Variants in CACNG3 observed in about 807,000 individuals in gnomAD.
The protein encoded by CACNG3 is voltage-dependent calcium channel gamma-3 subunit.
In CACNG3, 3 loss-of-function variants were observed where a neutral mutation model predicts 28.5. The observed-to-expected ratio is 0.11, with a 90% CI of 0.05 to 0.27. CACNG3 has a LOEUF of 0.27. Among genes scored for constraint, CACNG3 ranks in the 10% least tolerant of loss-of-function variants. The pLI, the probability that CACNG3 is intolerant of heterozygous loss-of-function variation, is 1.00. For synonymous variants in CACNG3, 174 were observed against 162.2 expected (o/e 1.07, Z -0.55); for missense variants, 236 against 414.4 (o/e 0.57, Z 3.74).
At chr16:24,292,217 A>G (rs991236952) in intron 1 of CACNG3, among the ~76,000 whole-genome samples, 1 of 152,082 alleles carries the variant, frequency 6.6e-6, no homozygotes, top group South Asian at 2.1e-4. Context: ...AAACAGCTCG[A>G]TTTTTCAATC....
intron 1 of CACNG3, among the ~76,000 whole-genome samples, chr16:24,281,796 A>G (rs775132484): frequency 2.6e-5 from 4 of 152,216 alleles, no homozygotes; most frequent in African/African-American, 9.6e-5. Context: ...TGTGCTTCTC[A>G]TGACAACACT....
intron 1 of CACNG3, among the ~76,000 whole-genome samples, chr16:24,301,308 T>C (rs1205889814): frequency 6.6e-6 from 1 of 152,102 alleles, no homozygotes; most frequent in Non-Finnish European, 1.5e-5. Context: ...TGGGTAACAT[T>C]GGGTCATTTT....
chr16:24,275,251 G>A (rs185637032), intron 1 of CACNG3, among the ~76,000 whole-genome samples: 1 of 152,200 alleles, frequency 6.6e-6, no homozygotes, highest in East Asian at 1.9e-4. Flanking sequence ...CACTTATGAG[G>A]CAAAAACAAT....
Position 24,361,236 on chromosome 16 carries a change from A to G in CACNG3, c.437-116A>G. On this transcript the variant is annotated intron_variant, in intron 3 of 3. Transcript: ENST00000005284. The surrounding 1 kb of genome is among the most constrained non-coding windows in gnomAD (Gnocchi z 6.8). Reference sequence around the variant, plus strand: ...TAGGTGGTTGGATTTCCCAGCTATAATCCATTCTCCTCTCTCCCCATTACC... The same window carrying G: ...TAGGTGGTTGGATTTCCCAGCTATAGTCCATTCTCCTCTCTCCCCATTACC... The G allele has an allele frequency of 1.2e-6, 1 of 829,842 alleles. No individual in the cohort carries two copies. Among genetic ancestry groups the G allele is most frequent in the Non-Finnish European group, 1.9e-6 (1 of 518,896 alleles). 51.4% of individuals were successfully genotyped at this position (829,842 alleles called of 1,614,324 possible). A position where few individuals can be genotyped will look rare whatever the true frequency, so the allele number is the denominator to read the frequency against.
intron 1 of CACNG3, among the ~76,000 whole-genome samples, chr16:24,324,360 T>G (rs1899507576): frequency 6.6e-6 from 1 of 152,174 alleles, no homozygotes; most frequent in Non-Finnish European, 1.5e-5. Flanking sequence ...ATCTGCCTCT[T>G]GCCTAGTTTT....
chr16:24,288,452 G>A (rs1467259693), intron 1 of CACNG3, among the ~76,000 whole-genome samples: 4 of 152,154 alleles, frequency 2.6e-5, no homozygotes, highest in Non-Finnish European at 4.4e-5. Flanking sequence ...AGTATCGCTC[G>A]TGCTTTGGAA....
chr16:24,354,246 G>A (rs999776026), intron 2 of CACNG3, among the ~76,000 whole-genome samples: 4 of 152,098 alleles, frequency 2.6e-5, no homozygotes, highest in African/African-American at 9.7e-5. Flanking sequence ...TTTTTTCTGT[G>A]ATCGCTCTCG....
Position 24,361,265 on chromosome 16 carries a change from A to C in CACNG3, c.437-87A>C, listed in dbSNP as rs528193644. 4.6e-5 allele frequency: 51 copies of C among 1,114,964 alleles called. No homozygotes were observed. The African/African-American group carries it at 7.7e-4, about 17-fold the overall frequency. The allele number at this position is 1,114,964 out of a possible 1,614,324, so 69.1% of individuals were successfully genotyped here. A position where few individuals can be genotyped will look rare whatever the true frequency, so the allele number is the denominator to read the frequency against. On this transcript the variant is annotated intron_variant, in intron 3 of 3. Transcript: ENST00000005284. The surrounding 1 kb of genome is among the most constrained non-coding windows in gnomAD (Gnocchi z 6.8). ...ATTCTCCTCTCTCCCCATTACCTCC[A>C]CATTTTCTATAAATATTTTAAGATG... is the stretch of plus-strand genomic sequence containing the variant.
chr16:24,261,919 G>C (rs1461055256), intron 1 of CACNG3, among the ~76,000 whole-genome samples: 1 of 152,174 alleles, frequency 6.6e-6, no homozygotes, highest in African/African-American at 2.4e-5. Context: ...CAGGGAAGCT[G>C]CAAAGATGTG....
rs116556340 is a variant in CACNG3, at chr16:24,300,847, T to C, written c.211+43882T>C. Among the ~76,000 whole-genome samples the C allele has an allele frequency of 8.4e-3, 1,271 of 151,850 alleles. 25 individuals carry two copies. The highest frequency in any genetic ancestry group is 0.028 in the African/African-American group (1,167 of 41,382). On this transcript the variant is annotated intron_variant, in intron 1 of 3. Coordinates refer to ENST00000005284, the MANE Select transcript of CACNG3 (RefSeq NM_006539.4). ...GGGGGGCAGATCACAAGGTCAGGAG[T>C]TTGACACCAGCTTGGCCAACATGAA...
At chr16:24,346,596 C>A in intron 1 of CACNG3, 138 bp from the exon 2 acceptor site, 3 of 626,020 alleles carry the variant, frequency 4.8e-6, no homozygotes, top group Non-Finnish European at 5.7e-6. Flanking sequence ...AATAAAGGTG[C>A]TCTTGGGCCT....
At chr16:24,303,254 A>G (rs1202660197) in intron 1 of CACNG3, among the ~76,000 whole-genome samples, 1 of 152,152 alleles carries the variant, frequency 6.6e-6, no homozygotes, top group East Asian at 1.9e-4. Flanking sequence ...ACAATCTAGG[A>G]AACTCTTGGG....
intron 1 of CACNG3, among the ~76,000 whole-genome samples, chr16:24,312,968 A>AGAG (rs1397138131): frequency 1.0e-4 from 11 of 110,206 alleles, no homozygotes; most frequent in Admixed American, 7.0e-4. Flanking sequence ...AAAGAAAGAA[A>AGAG]AGAAAGAAAG....
chr16:24,335,812 A>C (rs1899695143), intron 1 of CACNG3, among the ~76,000 whole-genome samples: 1 of 152,138 alleles, frequency 6.6e-6, no homozygotes, highest in Non-Finnish European at 1.5e-5. Flanking sequence ...GTGGTGGCTC[A>C]CGCCTGTAAT....
chr16:24,361,695 T>C lies in CACNG3; in HGVS notation c.780T>C (p.Thr260=), dbSNP rs1184663295. Residue 260 remains threonine, a synonymous_variant, in exon 4 of 4, where the codon ACT becomes ACC. Coordinates refer to ENST00000005284, the MANE Select transcript of CACNG3 (RefSeq NM_006539.4). The surrounding 1 kb of genome is among the most constrained non-coding windows in gnomAD (Gnocchi z 6.8). ...AAGGCTTCCACACCATCCCTTCCAC[T>C]GACATCTCGATGTTCACCCTCTCCC... The part of the protein sequence containing the change: ...ISKGFHTIPS[T]DISMFTLSRD... The C allele has an allele frequency of 1.2e-6, 2 of 1,612,738 alleles. No individual in the cohort carries two copies. Among genetic ancestry groups the C allele is most frequent in the Non-Finnish European group, 8.5e-7 (1 of 1,179,798 alleles).
intron 1 of CACNG3, among the ~76,000 whole-genome samples, chr16:24,316,546 C>G (rs965940822): frequency 6.6e-6 from 1 of 152,220 alleles, no homozygotes. Flanking sequence ...GGCGTGGGCA[C>G]CATGTTGCTT....
chr16:24,279,891 C>A (rs1898801386), intron 1 of CACNG3, among the ~76,000 whole-genome samples: 1 of 152,174 alleles, frequency 6.6e-6, no homozygotes, highest in African/African-American at 2.4e-5. Flanking sequence ...GAGTTTGCAG[C>A]TTCCTTTGTA....
chr16:24,282,898 C>CT (rs1339222271), intron 1 of CACNG3, among the ~76,000 whole-genome samples: 1 of 152,128 alleles, frequency 6.6e-6, no homozygotes, highest in Non-Finnish European at 1.5e-5. Context: ...GAGTCTCACT[C>CT]TGTCTCCCAG....
At chr16:24,264,379 G>C (rs558134313) in intron 1 of CACNG3, among the ~76,000 whole-genome samples, 2 of 152,328 alleles carry the variant, frequency 1.3e-5, no homozygotes, top group East Asian at 3.9e-4. Context: ...AACATGGGCT[G>C]TATGTTTTCA....
Sources: allele counts gnomAD v4.1 joint callset (sites outside exome capture counted in the v4.1 genomes callset), GRCh38; gene constraint gnomAD v4.1.1; non-coding constraint Gnocchi (gnomAD v3.1); transcripts MANE v1.5; gene names NCBI Gene and HGNC (gene_info 2026-07-23, HGNC 2026-07-21).